Variants in ADAM10 observed in about 807,000 individuals in gnomAD.
The protein encoded by ADAM10 is disintegrin and metalloproteinase domain-containing protein 10.
ADAM10 carries 17 observed loss-of-function variants against 90.1 expected under a neutral mutation model. That is an observed-to-expected ratio of 0.19 (90% CI 0.13 to 0.28). The LOEUF (loss-of-function observed/expected upper bound fraction) is 0.28. ADAM10 is among the 10% of genes least tolerant of loss of function. ADAM10 has a pLI of 1.00. For missense variants in ADAM10, 610 were observed against 914.3 expected, an observed-to-expected ratio of 0.67 and a Z score of 4.29; for synonymous variants, 310 against 298.6, an observed-to-expected ratio of 1.04 and a Z score of -0.40.
chr15:58,658,707 T>C (rs1432717828), intron 5 of ADAM10, among the ~76,000 whole-genome samples: 3 of 152,242 alleles, frequency 2.0e-5, no homozygotes, highest in African/African-American at 7.2e-5. Flanking sequence ...ATCTTGCACA[T>C]ATTTTGTTAA....
chr15:58,747,549 G>A (rs1338450892), intron 1 of ADAM10: 1 of 152,132 alleles, frequency 6.6e-6, no homozygotes, highest in Non-Finnish European at 1.5e-5. Flanking sequence ...GCTCAGATTA[G>A]TAGATAAAAA....
At chr15:58,669,873 A>T (rs1897156078) in intron 4 of ADAM10, among the ~76,000 whole-genome samples, 1 of 152,158 alleles carries the variant, frequency 6.6e-6, no homozygotes, top group African/African-American at 2.4e-5. Context: ...GACTTTCTTA[A>T]AGAGTACATA....
At chr15:58,718,446 A>G (rs189172188) in intron 1 of ADAM10, among the ~76,000 whole-genome samples, 50 of 132,352 alleles carry the variant, frequency 3.8e-4, no homozygotes, top group Admixed American at 3.4e-3. Context: ...TTCTTGTACT[A>G]TCTTTGTCAA....
At chr15:58,702,692 T>C (rs1898168014) in intron 2 of ADAM10, among the ~76,000 whole-genome samples, 1 of 152,200 alleles carries the variant, frequency 6.6e-6, no homozygotes, top group Admixed American at 6.5e-5. Flanking sequence ...ACATATAAAA[T>C]CAGTTCTCAA....
intron 2 of ADAM10, among the ~76,000 whole-genome samples, chr15:58,708,277 G>A (rs927890464): frequency 9.2e-5 from 14 of 151,946 alleles, no homozygotes; most frequent in African/African-American, 2.2e-4. Flanking sequence ...CAGTCTTTCC[G>A]TCACATCAAA....
At chr15:58,648,096 A>C (rs979700230) in intron 5 of ADAM10, among the ~76,000 whole-genome samples, 6 of 152,236 alleles carry the variant, frequency 3.9e-5, no homozygotes, top group Non-Finnish European at 7.3e-5. Context: ...ACTATGTGAA[A>C]TGATGGAAAT....
intron 2 of ADAM10, among the ~76,000 whole-genome samples, chr15:58,696,018 C>A (rs779808387): frequency 6.6e-6 from 1 of 151,950 alleles, no homozygotes; most frequent in East Asian, 1.9e-4. Flanking sequence ...TGGGAAGCTG[C>A]GGCAGGAGAA....
At chr15:58,691,110 T>G in intron 2 of ADAM10, 1 of 672,966 alleles carries the variant, frequency 1.5e-6, no homozygotes, top group South Asian at 1.4e-5. Flanking sequence ...TATCTAGCTG[T>G]AGGTGCTGGT....
intron 1 of ADAM10, among the ~76,000 whole-genome samples, chr15:58,743,021 G>A (rs970895985): frequency 6.6e-6 from 1 of 152,058 alleles, no homozygotes; most frequent in East Asian, 1.9e-4. Flanking sequence ...TCACACCACT[G>A]TACTTCAACC....
chr15:58,612,379 G>A (rs1261190158), intron 11 of ADAM10, among the ~76,000 whole-genome samples: 1 of 152,150 alleles, frequency 6.6e-6, no homozygotes, highest in Non-Finnish European at 1.5e-5. Context: ...ATCAGTGGCT[G>A]AACTGGGATA....
chr15:58,637,937 T>C (rs1896310464), intron 8 of ADAM10, among the ~76,000 whole-genome samples: 1 of 151,762 alleles, frequency 6.6e-6, no homozygotes, highest in African/African-American at 2.4e-5. Context: ...ATTCCTTGTT[T>C]TAAAAAAAAA....
intron 5 of ADAM10, among the ~76,000 whole-genome samples, chr15:58,659,925 G>A (rs1396775608): frequency 6.6e-6 from 1 of 152,150 alleles, no homozygotes; most frequent in East Asian, 1.9e-4. Flanking sequence ...GTAGAGACAG[G>A]GTTTCACTGT....
rs761569785 is a variant in ADAM10 at position 58,640,888 on chromosome 15, G to A, written c.901C>T (p.Leu301=). The A allele has an allele frequency of 6.2e-7, 1 of 1,614,090 alleles. No individual in the cohort carries two copies. The change falls in exon 8 of 16, where the codon CTG becomes TTG. Residue 301 remains leucine, a synonymous_variant. Transcript: ENST00000260408. ...TGATTCTGCTCAGAATTCAATTCCA[G>A]AAACTTCTCCACACCAATATTTGGG... ...RFPNIGVEKF[L]ELNSEQNHDD... is the part of the protein sequence containing the mutation.
Position 58,591,863 on chromosome 15 carries a change from C to T in ADAM10, c.*5684G>A, listed in dbSNP as rs1466416359. The T allele has an allele frequency of 1.3e-5, 2 of 152,194 alleles. No individual in the cohort carries two copies. Among genetic ancestry groups the T allele is most frequent in the African/African-American group, 4.8e-5 (2 of 41,458 alleles). The allele number at this position is 152,194 out of a possible 1,614,324, so 9.4% of individuals were successfully genotyped here. On this transcript the variant is annotated 3_prime_UTR_variant, in exon 16 of 16. Coordinates refer to ENST00000260408, the MANE Select transcript of ADAM10 (RefSeq NM_001110.4). The stretch of plus-strand genomic sequence containing the variant: ...TAAAAACCTTAATATCAAATATCCA[C>T]TTTTCACATTTTTCCAATGGTCTCA...
At chr15:58,603,672 G>A (rs575151728) in intron 14 of ADAM10, among the ~76,000 whole-genome samples, 10 of 151,650 alleles carry the variant, frequency 6.6e-5, no homozygotes, top group Admixed American at 4.6e-4. Flanking sequence ...ACCCTTCTTC[G>A]AATGCTTCCC....
intron 10 of ADAM10, 82 bp from the exon 11 acceptor site, chr15:58,621,703 A>G (rs1895792225): frequency 4.5e-6 from 7 of 1,538,946 alleles, no homozygotes; most frequent in East Asian, 4.5e-5. Context: ...TTAGATCATC[A>G]TAACAAAGGG....
At chr15:58,656,026 C>G (rs983854254) in intron 5 of ADAM10, among the ~76,000 whole-genome samples, 4 of 151,862 alleles carry the variant, frequency 2.6e-5, no homozygotes, top group African/African-American at 7.3e-5. Flanking sequence ...AGATTACAGG[C>G]GTGAGCTGCC....
intron 11 of ADAM10, among the ~76,000 whole-genome samples, chr15:58,620,360 A>C (rs1895743041): frequency 6.6e-6 from 1 of 151,936 alleles, no homozygotes; most frequent in South Asian, 2.1e-4. Flanking sequence ...CCAGCTATTC[A>C]GGAGGCTGAG....
At chr15:58,713,708 C>T (rs1898548784) in intron 2 of ADAM10, among the ~76,000 whole-genome samples, 1 of 152,114 alleles carries the variant, frequency 6.6e-6, no homozygotes, top group Admixed American at 6.5e-5. Context: ...GTAAGTATTA[C>T]TGGAGTTGTT....
Sources: allele counts gnomAD v4.1 joint callset (sites outside exome capture counted in the v4.1 genomes callset), GRCh38; gene constraint gnomAD v4.1.1; transcripts MANE v1.5; gene names NCBI Gene and HGNC (gene_info 2026-07-23, HGNC 2026-07-21).